The following TMPRSS15 variants were observed in gnomAD, a reference collection of about 807,000 sequenced individuals.
TMPRSS15 encodes enteropeptidase.
In TMPRSS15, 128 loss-of-function variants were observed where a neutral mutation model predicts 125.3. The ratio of observed to expected loss-of-function variants is 1.02; its 90% CI spans 0.89 to 1.18. The LOEUF (loss-of-function observed/expected upper bound fraction) is 1.18. Among genes scored for constraint, TMPRSS15 ranks in the 50% most tolerant of loss-of-function variants. The pLI is 0.00. For missense variants in TMPRSS15, 1,283 were observed against 1,212.7 expected, an observed-to-expected ratio of 1.06 and a Z score of -0.86; for synonymous variants, 446 against 423.2, an observed-to-expected ratio of 1.05 and a Z score of -0.66.
intron 1 of TMPRSS15, among the ~76,000 whole-genome samples, chr21:18,424,477 G>A (rs2076198501): frequency 6.6e-6 from 1 of 152,164 alleles, no homozygotes; most frequent in African/African-American, 2.4e-5. Context: ...GTCAGAAAAA[G>A]TGATTCACTG....
chr21:18,330,719 T>C (rs2075335746), intron 14 of TMPRSS15, among the ~76,000 whole-genome samples: 1 of 152,202 alleles, frequency 6.6e-6, no homozygotes. Context: ...TCCAAATTGT[T>C]TAAATGTTCC....
At chr21:18,370,984 A>T (rs2075786222) in intron 6 of TMPRSS15, among the ~76,000 whole-genome samples, 1 of 152,122 alleles carries the variant, frequency 6.6e-6, no homozygotes, top group African/African-American at 2.4e-5. Flanking sequence ...CAGTTTTAAA[A>T]CTGATTATAA....
At chr21:18,297,612 G>A (rs924866217) in intron 19 of TMPRSS15, 122 bp downstream of exon 19, 1 of 725,090 alleles carries the variant, frequency 1.4e-6, no homozygotes, top group African/African-American at 1.8e-5. Context: ...AATAATATAA[G>A]TCAAATAACT....
intron 18 of TMPRSS15, among the ~76,000 whole-genome samples, chr21:18,308,402 CACAT>C (rs1346510179): frequency 6.6e-6 from 1 of 151,804 alleles, no homozygotes; most frequent in Non-Finnish European, 1.5e-5. Context: ...CACACACACA[CACAT>C]TTAAAGTACA....
At position 18,297,776 on chromosome 21, in the gene TMPRSS15, T is replaced by G; in HGVS notation, c.2219A>C (p.Lys740Thr). The change falls in exon 19 of 25, where the codon AAA (lysine) becomes ACA (threonine). Residue 740 changes from lysine (K) to threonine (T), a missense_variant. Lys to Thr is a moderately conservative substitution (Grantham distance 78). Coordinates refer to ENST00000284885, the MANE Select transcript of TMPRSS15 (RefSeq NM_002772.3). ...IFPTDGGPFV[K>T]LNTAPDGHLI... ...GTGGCCATCAGGTGCTGTGTTTAAT[T>G]TGACAAATGGTCCACCATCGGTAGG... 6.2e-7 allele frequency: 1 copy of G among 1,613,876 alleles called. No individual in the cohort carries two copies. The highest frequency in any genetic ancestry group is 8.5e-7 in the Non-Finnish European group (1 of 1,179,808).
chr21:18,440,181 T>C (rs1242076107), intron 1 of TMPRSS15, among the ~76,000 whole-genome samples: 1 of 151,544 alleles, frequency 6.6e-6, no homozygotes, highest in African/African-American at 2.4e-5. Flanking sequence ...GAGACCATCC[T>C]GGCTAACACG....
At chr21:18,425,098 T>C (rs1397542232) in intron 1 of TMPRSS15, among the ~76,000 whole-genome samples, 1 of 151,718 alleles carries the variant, frequency 6.6e-6, no homozygotes, top group Non-Finnish European at 1.5e-5. Flanking sequence ...TGATACAGAA[T>C]AGTATTTGTT....
At chr21:18,400,321 T>C (rs1440324138) in intron 1 of TMPRSS15, among the ~76,000 whole-genome samples, 1 of 152,096 alleles carries the variant, frequency 6.6e-6, no homozygotes, top group Non-Finnish European at 1.5e-5. Context: ...CGCAACTTCA[T>C]GCTATACTAT....
chr21:18,271,760 G>T (rs2074559552), intron 24 of TMPRSS15, among the ~76,000 whole-genome samples: 1 of 152,022 alleles, frequency 6.6e-6, no homozygotes, highest in Non-Finnish European at 1.5e-5. Flanking sequence ...CCTGGTGTGT[G>T]TTGTTCCCTG....
chr21:18,322,697 T>C (rs1385546051), intron 16 of TMPRSS15, among the ~76,000 whole-genome samples: 1 of 151,988 alleles, frequency 6.6e-6, no homozygotes, highest in Non-Finnish European at 1.5e-5. Flanking sequence ...AGATAGTAAA[T>C]AGAATGGTGG....
At chr21:18,343,693 C>T (rs1383231997) in intron 11 of TMPRSS15, 37 bp from the exon 12 acceptor site, 1 of 1,590,490 alleles carries the variant, frequency 6.3e-7, no homozygotes, top group Admixed American at 1.7e-5. Flanking sequence ...TGGATTCCTA[C>T]AACATTAGAA....
chr21:18,313,349 C>CTCTCTCTA (rs1555895998), intron 17 of TMPRSS15, among the ~76,000 whole-genome samples: 5 of 149,446 alleles, frequency 3.3e-5, no homozygotes, highest in African/African-American at 9.9e-5. Flanking sequence ...CTCTCTCTCT[C>CTCTCTCTA]TATATATATA....
intron 21 of TMPRSS15, among the ~76,000 whole-genome samples, chr21:18,281,458 T>C (rs2074697447): frequency 6.6e-6 from 1 of 152,198 alleles, no homozygotes; most frequent in African/African-American, 2.4e-5. Context: ...TGCTGAGCTC[T>C]AGTTCTAGAT....
At chr21:18,328,552 T>C (rs2075315052) in intron 15 of TMPRSS15, among the ~76,000 whole-genome samples, 1 of 152,136 alleles carries the variant, frequency 6.6e-6, no homozygotes, top group Non-Finnish European at 1.5e-5. Context: ...TAGGAACTGA[T>C]GACTCAAAAA....
At chr21:18,390,296 T>C (rs2075979922) in intron 3 of TMPRSS15, among the ~76,000 whole-genome samples, 1 of 152,208 alleles carries the variant, frequency 6.6e-6, no homozygotes, top group Admixed American at 6.5e-5. Flanking sequence ...AAAGCCATGG[T>C]AACTGTATAA....
chr21:18,435,917 G>T (rs774452300), intron 1 of TMPRSS15, among the ~76,000 whole-genome samples: 1 of 149,446 alleles, frequency 6.7e-6, no homozygotes, highest in African/African-American at 2.5e-5. Context: ...GTTTATTTGC[G>T]TAGAGGTGTT....
At chr21:18,313,735 G>A (rs1022996532) in intron 17 of TMPRSS15, among the ~76,000 whole-genome samples, 1 of 151,674 alleles carries the variant, frequency 6.6e-6, no homozygotes. Context: ...CCATAAAAAT[G>A]GAAAATGCAG....
In TMPRSS15 at chr21:18,475,559, T is replaced by C. The variant is rs538651012; in HGVS notation, c.10+10240A>G. Among the ~76,000 whole-genome samples, 840 of 152,318 alleles carry C rather than the reference T, an allele frequency of 5.5e-3. 6 individuals are homozygous for C. Among genetic ancestry groups the C allele is most frequent in the Non-Finnish European group, 7.1e-3 (481 of 68,030 alleles). ...GTGAGCCATGATAGTGCCACTGCACTCCAGCCTGGATGACAGAGCAAGACT... is the reference window on the plus strand; with the variant it reads ...GTGAGCCATGATAGTGCCACTGCACCCCAGCCTGGATGACAGAGCAAGACT... On this transcript the variant is annotated intron_variant, in intron 1 of 7. Coordinates refer to the TMPRSS15 transcript ENST00000422787.
chr21:18,338,029 C>T (rs1415801444), intron 13 of TMPRSS15, among the ~76,000 whole-genome samples: 2 of 152,064 alleles, frequency 1.3e-5, no homozygotes, highest in African/African-American at 4.8e-5. Context: ...TATAATTTCC[C>T]TATTGTTAAA....
Sources: gnomAD v4.1 joint callset for allele counts (sites outside exome capture counted in the v4.1 genomes callset) on GRCh38, gnomAD v4.1.1 for gene constraint, MANE v1.5 for transcripts, NCBI Gene and HGNC (gene_info 2026-07-23, HGNC 2026-07-21) for gene names.